Variants in PLXNA4 observed in about 807,000 individuals in gnomAD.
The protein encoded by PLXNA4 is plexin A4.
In PLXNA4, 44 loss-of-function variants were observed where a neutral mutation model predicts 191.8. That is an observed-to-expected ratio of 0.23 (90% CI 0.18 to 0.29). The LOEUF (loss-of-function observed/expected upper bound fraction) is 0.29, where lower values mean the gene tolerates loss of function less well. Among genes scored for constraint, PLXNA4 ranks in the 10% least tolerant of loss-of-function variants. The pLI is 1.00. For synonymous variants in PLXNA4, 1,082 were observed against 1,009.5 expected (o/e 1.07, Z -1.36); for missense variants, 1,800 against 2,488.8 (o/e 0.72, Z 5.89).
intron 2 of PLXNA4, among the ~76,000 whole-genome samples, chr7:132,616,631 A>G (rs1054162112): frequency 1.3e-5 from 2 of 152,254 alleles, no homozygotes; most frequent in African/African-American, 4.8e-5. Context: ...ACAAATAGAC[A>G]TTATAGTAGA....
At chr7:132,210,007 C>T (rs1797744368) in intron 10 of PLXNA4, among the ~76,000 whole-genome samples, 1 of 152,188 alleles carries the variant, frequency 6.6e-6, no homozygotes, top group Admixed American at 6.5e-5. Context: ...CTAAGTTGTA[C>T]TTATTATATT....
chr7:132,264,388 G>A (rs1799766629), intron 4 of PLXNA4: 1 of 152,224 alleles, frequency 6.6e-6, no homozygotes, highest in African/African-American at 2.4e-5. Context: ...GTGGGGCTTA[G>A]GGAGTAGTAG....
At chr7:132,170,205 C>T (rs929928275) in intron 21 of PLXNA4, among the ~76,000 whole-genome samples, 2 of 152,150 alleles carry the variant, frequency 1.3e-5, no homozygotes, top group Non-Finnish European at 2.9e-5. Flanking sequence ...AGATCTAAGT[C>T]CATACTGCCA....
chr7:132,586,820 G>T lies in PLXNA4; in HGVS notation c.-87+59108C>A, dbSNP rs192573776. Among the ~76,000 whole-genome samples, 782 of 152,228 alleles carry T rather than the reference G, an allele frequency of 5.1e-3. 7 individuals are homozygous for T. The highest frequency in any genetic ancestry group is 0.018 in the African/African-American group (729 of 41,532). On this transcript the variant is annotated intron_variant, in intron 2 of 4. Transcript: ENST00000378539. ...ATGTGCCTGTAGTCCTAGCTACTCA[G>T]GAGGCTGAGGTGGGAGGATTGTTTG...
chr7:132,559,539 G>A (rs1800942921), intron 1 of PLXNA4, among the ~76,000 whole-genome samples: 1 of 152,158 alleles, frequency 6.6e-6, no homozygotes, highest in African/African-American at 2.4e-5. Context: ...GCACTGTCTG[G>A]GGCCTCTCCC....
At chr7:132,540,838 C>T (rs62465160) in intron 1 of PLXNA4, among the ~76,000 whole-genome samples, 51,573 of 151,324 alleles carry the variant, frequency 0.34, 9,967 homozygotes, top group South Asian at 0.51. Context: ...CCACCCGCCT[C>T]GGCCTCCCAA....
At chr7:132,207,442 T>C (rs1797662271) in intron 10 of PLXNA4, among the ~76,000 whole-genome samples, 1 of 152,150 alleles carries the variant, frequency 6.6e-6, no homozygotes, top group Non-Finnish European at 1.5e-5. Context: ...GCACTATTAT[T>C]AGCAGCACTT....
At chr7:132,218,607 T>C (rs1265932458) in intron 9 of PLXNA4, among the ~76,000 whole-genome samples, 2 of 152,180 alleles carry the variant, frequency 1.3e-5, no homozygotes, top group African/African-American at 4.8e-5. Flanking sequence ...TCTTTAAGTG[T>C]GAATGCCTGA....
In PLXNA4 at chr7:132,180,580, C is replaced by G. The variant is rs746056880; in HGVS notation, c.3639+6G>C. 1 of 1,614,150 alleles carries G rather than the reference C, an allele frequency of 6.2e-7. No individual in the cohort carries two copies. The highest frequency in any genetic ancestry group is 1.1e-5 in the South Asian group (1 of 91,074). On this transcript the variant is annotated splice_donor_region_variant and intron_variant, in intron 19 of 31. Coordinates refer to ENST00000321063, the MANE Select transcript of PLXNA4 (RefSeq NM_020911.2). The stretch of plus-strand genomic sequence containing the variant: ...TCCATCCAGGATGGGGTTCTGCCAG[C>G]CTCACCATCACTTTGTGCCTGCCGA...
chr7:132,422,111 G>T (rs62467566), intron 3 of PLXNA4, among the ~76,000 whole-genome samples: 1 of 152,168 alleles, frequency 6.6e-6, no homozygotes, highest in Non-Finnish European at 1.5e-5. Context: ...GTTGGTTACC[G>T]AATGGTCTGA....
chr7:132,381,236 G>A (rs1804880331), intron 3 of PLXNA4, among the ~76,000 whole-genome samples: 1 of 152,184 alleles, frequency 6.6e-6, no homozygotes, highest in African/African-American at 2.4e-5. Flanking sequence ...AGGTCTCACA[G>A]CTGGCGTGAG....
At chr7:132,179,147 T>TCA (rs36103959) in intron 20 of PLXNA4, among the ~76,000 whole-genome samples, 12,444 of 59,892 alleles carry the variant, frequency 0.21, 1,205 homozygotes, top group Admixed American at 0.37. Context: ...ACGTGCGTGC[T>TCA]CACACACACA....
At chr7:132,490,199 C>A (rs1283862948) in intron 2 of PLXNA4, among the ~76,000 whole-genome samples, 1 of 152,186 alleles carries the variant, frequency 6.6e-6, no homozygotes, top group Admixed American at 6.5e-5. Context: ...CCTGCCATGC[C>A]TACACCAGCA....
chr7:132,500,811 G>T (rs919320549), intron 2 of PLXNA4, among the ~76,000 whole-genome samples: 1 of 152,098 alleles, frequency 6.6e-6, no homozygotes, highest in African/African-American at 2.4e-5. Flanking sequence ...TTTATTAAAA[G>T]GATACTTTTT....
chr7:132,612,979 C>T (rs1803082816), intron 2 of PLXNA4, among the ~76,000 whole-genome samples: 1 of 151,662 alleles, frequency 6.6e-6, no homozygotes, highest in African/African-American at 2.4e-5. Context: ...CTAGATGTAA[C>T]ACTATGAGAA....
chr7:132,534,651 C>A (rs1045477831), intron 1 of PLXNA4, among the ~76,000 whole-genome samples: 3 of 152,136 alleles, frequency 2.0e-5, no homozygotes, highest in Non-Finnish European at 4.4e-5. Context: ...GCACTCAAAG[C>A]CTTTTATTTT....
intron 18 of PLXNA4, 150 bp from the exon 19 acceptor site, chr7:132,180,882 C>A (rs1796681578): frequency 2.3e-6 from 3 of 1,304,262 alleles, no homozygotes; most frequent in Non-Finnish European, 3.1e-6. Flanking sequence ...ATATTCATGG[C>A]ATGACTACCA....
At chr7:132,434,026 T>C (rs1272679157) in intron 3 of PLXNA4, among the ~76,000 whole-genome samples, 3 of 152,240 alleles carry the variant, frequency 2.0e-5, no homozygotes, top group Non-Finnish European at 4.4e-5. Context: ...GTGCCATTAC[T>C]ATGCAACTAT....
intron 4 of PLXNA4, among the ~76,000 whole-genome samples, chr7:132,280,399 A>G (rs1404359208): frequency 2.0e-5 from 3 of 152,188 alleles, no homozygotes; most frequent in Non-Finnish European, 2.9e-5. Context: ...ATAATGAGAA[A>G]AGGCAAACCC....
Sources: allele counts gnomAD v4.1 joint callset (sites outside exome capture counted in the v4.1 genomes callset), GRCh38; gene constraint gnomAD v4.1.1; transcripts MANE v1.5; gene names NCBI Gene and HGNC (gene_info 2026-07-23, HGNC 2026-07-21).